Variants in ATXN8OS observed in about 807,000 individuals in gnomAD.
The protein encoded by ATXN8OS is ATXN8 opposite strand lncRNA, also known as ATXN8 opposite strand (non-protein coding).
At chr13:70,165,249 AG>A (rs1033143322) in intron 4 of ATXN8OS, among the ~76,000 whole-genome samples, 3 of 151,866 alleles carry the variant, frequency 2.0e-5, no homozygotes, top group African/African-American at 7.2e-5. Context: ...TAACAAAAAA[AG>A]AAAGAGAACT....
chr13:70,139,387 C>T, intron 3 of ATXN8OS: 1 of 351,314 alleles, frequency 2.8e-6, no homozygotes, highest in East Asian at 5.6e-5. Flanking sequence ...ACTACTACTG[C>T]TGCTGCTGCT....
intron 2 of ATXN8OS, among the ~76,000 whole-genome samples, chr13:70,119,475 T>C (rs1374918406): frequency 3.9e-5 from 6 of 152,190 alleles, no homozygotes; most frequent in Admixed American, 3.3e-4. Flanking sequence ...TGATCTCTAA[T>C]AAATCTTTAG....
intron 4 of ATXN8OS, among the ~76,000 whole-genome samples, chr13:70,160,021 T>C (rs1365436847): frequency 6.6e-6 from 1 of 152,176 alleles, no homozygotes; most frequent in Non-Finnish European, 1.5e-5. Context: ...GAACATAAGA[T>C]GTTATTTATC....
intron 3 of ATXN8OS, among the ~76,000 whole-genome samples, chr13:70,132,279 T>C (rs2137484181): frequency 6.7e-6 from 1 of 148,152 alleles, no homozygotes; most frequent in Admixed American, 6.9e-5. Context: ...CATGGAATAC[T>C]ACACAGCCAT....
At chr13:70,142,082 C>T (rs967801990) in intron 3 of ATXN8OS, among the ~76,000 whole-genome samples, 1 of 152,082 alleles carries the variant, frequency 6.6e-6, no homozygotes, top group Non-Finnish European at 1.5e-5. Flanking sequence ...CAGGGTTTCT[C>T]CATGTTGACC....
chr13:70,159,138 A>G (rs905959141), intron 4 of ATXN8OS, among the ~76,000 whole-genome samples: 3 of 151,534 alleles, frequency 2.0e-5, no homozygotes, highest in South Asian at 2.1e-4. Flanking sequence ...CTTACTAATT[A>G]CTAATTAATT....
intron 3 of ATXN8OS, among the ~76,000 whole-genome samples, chr13:70,144,259 C>A (rs183962280): frequency 2.0e-5 from 3 of 152,066 alleles, no homozygotes; most frequent in African/African-American, 7.2e-5. Context: ...GTTTACATTT[C>A]GCATAAATAC....
intron 4 of ATXN8OS, among the ~76,000 whole-genome samples, chr13:70,158,792 A>AT (rs1888967437): frequency 1.3e-5 from 2 of 152,082 alleles, no homozygotes; most frequent in Non-Finnish European, 2.9e-5. Flanking sequence ...ATATCTCTTG[A>AT]TTTTTGCCCT....
chr13:70,108,113 G>A (rs1442893948), intron 1 of ATXN8OS: 1 of 408,832 alleles, frequency 2.4e-6, no homozygotes, highest in East Asian at 3.5e-5. Flanking sequence ...ACCTCACTGG[G>A]ATGCGCTTGT....
chr13:70,141,977 G>A (rs952989380), intron 3 of ATXN8OS, among the ~76,000 whole-genome samples: 1 of 151,988 alleles, frequency 6.6e-6, no homozygotes, highest in East Asian at 1.9e-4. Context: ...TGCACCTCGC[G>A]GGTTCAAGCG....
At chr13:70,125,756 G>A (rs1471775751) in intron 2 of ATXN8OS, among the ~76,000 whole-genome samples, 2 of 152,148 alleles carry the variant, frequency 1.3e-5, no homozygotes, top group African/African-American at 2.4e-5. Context: ...ATCAGTTGCA[G>A]ATATTGATGC....
chr13:70,140,602 A>G (rs192429814), intron 3 of ATXN8OS, among the ~76,000 whole-genome samples: 74 of 151,836 alleles, frequency 4.9e-4, no homozygotes, highest in South Asian at 4.2e-4. Context: ...CATAGCTATG[A>G]TAACACTCAT....
intron 2 of ATXN8OS, among the ~76,000 whole-genome samples, chr13:70,129,215 A>G (rs1051806402): frequency 1.3e-5 from 2 of 152,194 alleles, no homozygotes; most frequent in Admixed American, 1.3e-4. Context: ...GAACAGATAA[A>G]TTGTATACAA....
At chr13:70,145,196 T>C (rs1218575117) in intron 3 of ATXN8OS, among the ~76,000 whole-genome samples, 1 of 152,132 alleles carries the variant, frequency 6.6e-6, no homozygotes, top group Non-Finnish European at 1.5e-5. Context: ...CTCTGTTCTG[T>C]TCCATTGATC....
intron 4 of ATXN8OS, among the ~76,000 whole-genome samples, chr13:70,153,600 T>C (rs976935409): frequency 6.6e-6 from 1 of 152,088 alleles, no homozygotes; most frequent in East Asian, 1.9e-4. Flanking sequence ...AAATAAACAA[T>C]TCTTATTCAA....
At chr13:70,138,585 G>A (rs1888652043) in intron 3 of ATXN8OS, among the ~76,000 whole-genome samples, 1 of 151,876 alleles carries the variant, frequency 6.6e-6, no homozygotes, top group Non-Finnish European at 1.5e-5. Context: ...CAAATATTTG[G>A]CAGTTTTGTT....
intron 4 of ATXN8OS, among the ~76,000 whole-genome samples, chr13:70,153,375 C>G (rs186729674): frequency 6.6e-6 from 1 of 152,010 alleles, no homozygotes; most frequent in East Asian, 2.0e-4. Flanking sequence ...GAGTTTGAGA[C>G]CAGTCTGGCC....
intron 1 of ATXN8OS, among the ~76,000 whole-genome samples, chr13:70,108,889 A>C (rs1183476471): frequency 6.6e-6 from 1 of 152,154 alleles, no homozygotes; most frequent in Admixed American, 6.5e-5. Flanking sequence ...TGACACTTAC[A>C]TTGTGATTCT....
chr13:70,161,178 C>T (rs1889004789), intron 4 of ATXN8OS, among the ~76,000 whole-genome samples: 1 of 151,162 alleles, frequency 6.6e-6, no homozygotes, highest in Non-Finnish European at 1.5e-5. Context: ...TAAGGTTAAA[C>T]TGAAAAATTA....
Sources: gnomAD v4.1 joint callset for allele counts (sites outside exome capture counted in the v4.1 genomes callset) on GRCh38, gnomAD v4.1.1 for gene constraint, MANE v1.5 for transcripts, NCBI Gene and HGNC (gene_info 2026-07-23, HGNC 2026-07-21) for gene names.